The following PRKCE variants were observed in gnomAD, a reference collection of about 807,000 sequenced individuals.
PRKCE encodes protein kinase C epsilon.
In PRKCE, 16 loss-of-function variants were observed where a neutral mutation model predicts 85.4. That is an observed-to-expected ratio of 0.19 (90% confidence interval 0.13 to 0.28). PRKCE has a LOEUF of 0.28. Ranked by LOEUF, PRKCE falls within the 10% of genes least tolerant of loss-of-function variation. The pLI is 1.00. For missense variants in PRKCE, 573 were observed against 975.2 expected (o/e 0.59, Z 5.49); for synonymous variants, 388 against 371.5 (o/e 1.04, Z -0.51).
intron 1 of PRKCE, among the ~76,000 whole-genome samples, chr2:45,667,624 C>G (rs1477567121): frequency 6.6e-6 from 1 of 152,012 alleles, no homozygotes; most frequent in Non-Finnish European, 1.5e-5. Flanking sequence ...AAGGCCAACA[C>G]ATGAGGAGGA....
At chr2:45,946,338 A>C (rs1007791688) in intron 2 of PRKCE, among the ~76,000 whole-genome samples, 1 of 152,126 alleles carries the variant, frequency 6.6e-6, no homozygotes, top group Non-Finnish European at 1.5e-5. Flanking sequence ...ACTTGAATCT[A>C]CTTTCCATTT....
chr2:45,803,193 G>A (rs577211264), intron 1 of PRKCE, among the ~76,000 whole-genome samples: 3 of 152,336 alleles, frequency 2.0e-5, no homozygotes, highest in African/African-American at 4.8e-5. Flanking sequence ...GAAGAAAAAG[G>A]AGAATGTTTA....
intron 10 of PRKCE, among the ~76,000 whole-genome samples, chr2:46,080,972 T>TACACACACACACACACAC (rs112421012): frequency 2.6e-4 from 39 of 147,688 alleles, no homozygotes; most frequent in African/African-American, 9.1e-4. Flanking sequence ...CAGTTATGCA[T>TACACACACACACACACAC]ACACACACAC....
rs186423788 is a variant in PRKCE at position 46,145,861 on chromosome 2, C to A, written c.1731+630C>A. Among the ~76,000 whole-genome samples the A allele has an allele frequency of 1.3e-5, 2 of 152,042 alleles. No individual in the cohort carries two copies. The highest frequency in any genetic ancestry group is 2.9e-5 in the Non-Finnish European group (2 of 68,020). On this transcript the variant is annotated intron_variant, in intron 12 of 14. Coordinates refer to ENST00000306156, the MANE Select transcript of PRKCE (RefSeq NM_005400.3). This position sits in a 1 kb window ranked among gnomAD's most constrained non-coding sequence, Gnocchi z 4.6. ...CCAGCCTGGGTGACAGAGCAAGACC[C>A]TGTCTCAATAAAAAAAAAAGTAAAA...
At chr2:46,149,869 T>TG (rs1246102249) in intron 12 of PRKCE, among the ~76,000 whole-genome samples, 1 of 151,624 alleles carries the variant, frequency 6.6e-6, no homozygotes, top group Non-Finnish European at 1.5e-5. Flanking sequence ...CCTTTTTTTT[T>TG]TTTTTGAGAT....
intron 10 of PRKCE, among the ~76,000 whole-genome samples, chr2:46,056,538 G>A (rs11695579): frequency 0.15 from 23,387 of 152,142 alleles, 2,075 homozygotes; most frequent in African/African-American, 0.24. Context: ...AAGGTATTGC[G>A]TTGATTAAGA....
chr2:45,878,516 C>A (rs960193388), intron 2 of PRKCE, among the ~76,000 whole-genome samples: 3 of 152,190 alleles, frequency 2.0e-5, no homozygotes, highest in Non-Finnish European at 2.9e-5. Flanking sequence ...AAAAAATCTT[C>A]CAAACTTTAG....
chr2:46,033,104 A>C (rs149523459), intron 10 of PRKCE, among the ~76,000 whole-genome samples: 25 of 152,364 alleles, frequency 1.6e-4, no homozygotes, highest in African/African-American at 6.0e-4. Flanking sequence ...ACGCAATGAC[A>C]AGAAGTCAAC....
intron 1 of PRKCE, among the ~76,000 whole-genome samples, chr2:45,662,664 GT>G (rs1325553443): frequency 2.7e-5 from 4 of 148,844 alleles, no homozygotes; most frequent in Admixed American, 2.0e-4. Flanking sequence ...GTTTAGCCTT[GT>G]CTCCCCTGCA....
At chr2:46,101,792 G>A (rs1477527737) in intron 11 of PRKCE, among the ~76,000 whole-genome samples, 1 of 144,754 alleles carries the variant, frequency 6.9e-6, no homozygotes, top group African/African-American at 2.6e-5. Flanking sequence ...CGGTCTCATA[G>A]CAACACAGAC....
intron 1 of PRKCE, among the ~76,000 whole-genome samples, chr2:45,771,088 C>T (rs967560292): frequency 2.6e-5 from 4 of 152,042 alleles, no homozygotes; most frequent in Non-Finnish European, 1.5e-5. Flanking sequence ...ATGAGGGTCC[C>T]CCAGTGTTTA....
At chr2:46,012,412 G>A (rs1705763212) in intron 10 of PRKCE, among the ~76,000 whole-genome samples, 1 of 151,852 alleles carries the variant, frequency 6.6e-6, no homozygotes, top group South Asian at 2.1e-4. Flanking sequence ...GTCAGACCTG[G>A]CATCTCATCT....
chr2:45,987,692 G>A (rs1574129285), intron 6 of PRKCE, among the ~76,000 whole-genome samples: 1 of 152,250 alleles, frequency 6.6e-6, no homozygotes, highest in South Asian at 2.1e-4. Flanking sequence ...TTTACCTTGG[G>A]ATCCACTCAT....
At chr2:45,842,450 A>G (rs1573572273) in intron 1 of PRKCE, among the ~76,000 whole-genome samples, 2 of 152,124 alleles carry the variant, frequency 1.3e-5, no homozygotes, top group South Asian at 4.2e-4. Flanking sequence ...TGCTTCTCTT[A>G]TTTCCCCTGG....
At chr2:45,863,416 C>T (rs935306219) in intron 2 of PRKCE, among the ~76,000 whole-genome samples, 11 of 152,096 alleles carry the variant, frequency 7.2e-5, no homozygotes, top group Non-Finnish European at 1.3e-4. Flanking sequence ...TTGCAAAGTC[C>T]CAAAGGCTGC....
At chr2:45,757,564 G>A (rs1339736166) in intron 1 of PRKCE, among the ~76,000 whole-genome samples, 4 of 152,098 alleles carry the variant, frequency 2.6e-5, no homozygotes, top group Non-Finnish European at 4.4e-5. Context: ...TAACTTGGAA[G>A]GCTGAGGCAG....
At chr2:45,894,753 C>T (rs1481664242) in intron 2 of PRKCE, among the ~76,000 whole-genome samples, 1 of 152,180 alleles carries the variant, frequency 6.6e-6, no homozygotes, top group African/African-American at 2.4e-5. Context: ...GATGGAGTCT[C>T]ACCATGTCGC....
At chr2:45,662,157 G>T (rs930475578) in intron 1 of PRKCE, among the ~76,000 whole-genome samples, 19 of 152,294 alleles carry the variant, frequency 1.2e-4, no homozygotes, top group Non-Finnish European at 1.2e-4. Context: ...ATTCACAAAA[G>T]ATTCAAAGCA....
chr2:46,056,146 G>C (rs1165458585), intron 10 of PRKCE, among the ~76,000 whole-genome samples: 1 of 152,128 alleles, frequency 6.6e-6, no homozygotes, highest in Non-Finnish European at 1.5e-5. Flanking sequence ...TACCCAGTGA[G>C]TAGGAGCTCC....
Sources: allele counts gnomAD v4.1 joint callset (sites outside exome capture counted in the v4.1 genomes callset), GRCh38; gene constraint gnomAD v4.1.1; non-coding constraint Gnocchi (gnomAD v3.1); transcripts MANE v1.5; gene names NCBI Gene and HGNC (gene_info 2026-07-23, HGNC 2026-07-21).